Variants in ECM2 observed in about 807,000 individuals in gnomAD.
ECM2 encodes extracellular matrix protein 2, also known as extracellular matrix protein 2, female organ and adipocyte specific.
A neutral mutation model predicts 67.5 loss-of-function variants in ECM2; 57 were observed. The ratio of observed to expected loss-of-function variants is 0.84; its 90% CI spans 0.68 to 1.05. The LOEUF is 1.05. Among genes scored for constraint, ECM2 ranks in the 50% least tolerant of loss-of-function variants. ECM2 has a pLI of 0.00. For missense variants in ECM2, 741 were observed against 822.8 expected (o/e 0.90, Z 1.22); for synonymous variants, 258 against 294.5 (o/e 0.88, Z 1.27).
intron 9 of ECM2, among the ~76,000 whole-genome samples, chr9:92,500,117 CAT>C (rs1846581396): frequency 6.6e-6 from 1 of 152,254 alleles, no homozygotes; most frequent in Middle Eastern, 3.4e-3. Context: ...GGAGTAGTAA[CAT>C]AATCTATTGC....
the ECM2 span, among the ~76,000 whole-genome samples, chr9:92,551,957 T>TATA: frequency 8.6e-6 from 1 of 116,738 alleles, no homozygotes; most frequent in African/African-American, 4.6e-5. Context: ...ATATATGATA[T>TATA]ATATATGTGT....
intron 1 of ECM2, among the ~76,000 whole-genome samples, chr9:92,529,585 A>C (rs572387284): frequency 6.0e-4 from 92 of 152,220 alleles, no homozygotes; most frequent in Non-Finnish European, 1.2e-3. Flanking sequence ...AATGGAAAAA[A>C]AACTATGGTA....
At chr9:92,512,294 A>G (rs1847401415) in intron 4 of ECM2, among the ~76,000 whole-genome samples, 168 bp from the exon 5 acceptor site, 1 of 152,222 alleles carries the variant, frequency 6.6e-6, no homozygotes, top group Non-Finnish European at 1.5e-5. Context: ...TGTTCAGAAA[A>G]GTAACAAGCT....
In ECM2 at chr9:92,510,009, T is replaced by G; in HGVS notation, c.1196A>C (p.Asn399Thr). Residue 399 changes from asparagine (N) to threonine (T), a missense_variant, in exon 6 of 10, where the codon AAT becomes ACT. By Grantham distance (65) the Asn-to-Thr change is moderately conservative. Transcript: ENST00000344604. The part of the protein sequence containing the change: ...FKLLKKLMRL[N>T]MDGNNLIQIP... ...CTGTATCAAATTATTTCCATCCATATTCAAACGCATTAACTTCTTCAGAAG... is the reference window on the plus strand; with the variant it reads ...CTGTATCAAATTATTTCCATCCATAGTCAAACGCATTAACTTCTTCAGAAG... 1 of 1,603,700 alleles carries G rather than the reference T, an allele frequency of 6.2e-7. No individual in the cohort carries two copies. The highest frequency in any genetic ancestry group is 1.1e-5 in the South Asian group (1 of 89,172).
intron 1 of ECM2, among the ~76,000 whole-genome samples, chr9:92,530,305 A>G (rs1278390473): frequency 6.6e-6 from 1 of 152,208 alleles, no homozygotes; most frequent in African/African-American, 2.4e-5. Flanking sequence ...ATGATATGTC[A>G]GCATAGATTT....
intron 5 of ECM2, among the ~76,000 whole-genome samples, chr9:92,510,312 G>T (rs1275965815): frequency 6.6e-6 from 1 of 152,246 alleles, no homozygotes; most frequent in Admixed American, 6.5e-5. Context: ...AGAGAAAGCT[G>T]CCATAACTAC....
At chr9:92,533,095 G>A (rs994204230) in intron 1 of ECM2, among the ~76,000 whole-genome samples, 5 of 151,198 alleles carry the variant, frequency 3.3e-5, no homozygotes, top group Non-Finnish European at 7.4e-5. Flanking sequence ...TCAGGAGTTT[G>A]AGACCAGCCT....
At chr9:92,529,091 C>A (rs1848588423) in intron 1 of ECM2, among the ~76,000 whole-genome samples, 1 of 152,100 alleles carries the variant, frequency 6.6e-6, no homozygotes, top group Non-Finnish European at 1.5e-5. Context: ...AAATACATGA[C>A]AAGGGATGAA....
At chr9:92,512,889 C>G (rs1168782395) in intron 4 of ECM2, among the ~76,000 whole-genome samples, 3 of 152,068 alleles carry the variant, frequency 2.0e-5, no homozygotes, top group Non-Finnish European at 4.4e-5. Flanking sequence ...CAGAGCATAC[C>G]TGGTGTATAG....
upstream of ECM2, among the ~76,000 whole-genome samples, chr9:92,539,389 T>C (rs927585094): frequency 4.1e-5 from 5 of 121,082 alleles, no homozygotes; most frequent in Non-Finnish European, 6.4e-5. Flanking sequence ...AAGAAGTAGA[T>C]TGAAGCCAGT....
chr9:92,530,595 T>C (rs1848686017), intron 1 of ECM2, among the ~76,000 whole-genome samples: 1 of 152,230 alleles, frequency 6.6e-6, no homozygotes, highest in Non-Finnish European at 1.5e-5. Flanking sequence ...AATTTAGTCG[T>C]TATATCTTTC....
the ECM2 span, among the ~76,000 whole-genome samples, chr9:92,556,853 T>A: frequency 1.3e-5 from 2 of 152,222 alleles, no homozygotes; most frequent in African/African-American, 4.8e-5. Context: ...CTGCTCTTTG[T>A]TGCCTGTGTA....
downstream of ECM2, among the ~76,000 whole-genome samples, chr9:92,494,855 C>T (rs528320923): frequency 1.3e-5 from 2 of 152,090 alleles, no homozygotes; most frequent in African/African-American, 4.8e-5. Flanking sequence ...TGCAGTGAGC[C>T]GAGATTGCAC....
intron 1 of ECM2, among the ~76,000 whole-genome samples, chr9:92,531,590 G>A (rs1354943044): frequency 3.3e-5 from 5 of 151,804 alleles, no homozygotes; most frequent in Non-Finnish European, 5.9e-5. Flanking sequence ...TCAGCAATCC[G>A]TGGCCTCTAC....
chr9:92,546,394 C>T, the ECM2 span, among the ~76,000 whole-genome samples: 3 of 152,180 alleles, frequency 2.0e-5, no homozygotes, highest in Admixed American at 2.0e-4. Context: ...TGCTGCTGCT[C>T]ACTCTTTGGG....
At position 92,505,574 on chromosome 9, in the gene ECM2, T is replaced by G; in HGVS notation, c.1423A>C (p.Lys475Gln). The change falls in exon 7 of 10, where the codon AAA becomes CAA. Residue 475 changes from lysine to glutamine, a missense_variant. Coordinates refer to ENST00000344604, the MANE Select transcript of ECM2 (RefSeq NM_001393.4). Reference protein sequence around the residue: ...SLAYLRLGKNKFRIIPQGLPG... With the variant: ...SLAYLRLGKNQFRIIPQGLPG... ...AGACCCTGCGGTATAATTCTAAATT[T>G]ATTTTTTCCCAGACGCAAGTAGGCT... The G allele has an allele frequency of 6.2e-7, 1 of 1,607,694 alleles. No homozygotes were observed. Among genetic ancestry groups the G allele is most frequent in the Non-Finnish European group, 8.5e-7 (1 of 1,178,508 alleles).
chr9:92,533,317 AAAAAAAAAAAAATATATATATATAT>A (rs1848939629), intron 1 of ECM2, among the ~76,000 whole-genome samples: 1 of 104,802 alleles, frequency 9.5e-6, no homozygotes, highest in African/African-American at 3.8e-5. Flanking sequence ...AAAAAAAAAA[AAAAAAAAAAAAATATATATATATAT>A]ATATATATAT....
Position 92,522,867 on chromosome 9 carries a change from G to T in ECM2, c.-1C>A. 2.5e-6 allele frequency: 4 copies of T among 1,589,040 alleles called. No individual in the cohort carries two copies. The highest frequency in any genetic ancestry group is 3.4e-6 in the Non-Finnish European group (4 of 1,171,754). On this transcript the variant is annotated 5_prime_UTR_variant, in exon 2 of 10. Transcript: ENST00000344604. ...AACAAAACAAAACTGCAATCTTCAT[G>T]TTTGATTTTTTTCCACCAGCCAATT... is the stretch of plus-strand genomic sequence containing the variant.
At chr9:92,533,856 T>G (rs1849008257) in intron 1 of ECM2, among the ~76,000 whole-genome samples, 1 of 152,150 alleles carries the variant, frequency 6.6e-6, no homozygotes, top group Non-Finnish European at 1.5e-5. Context: ...GTGTTGCCGA[T>G]GAGAAATTTG....
Sources: allele counts gnomAD v4.1 joint callset (sites outside exome capture counted in the v4.1 genomes callset), GRCh38; gene constraint gnomAD v4.1.1; transcripts MANE v1.5; gene names NCBI Gene and HGNC (gene_info 2026-07-23, HGNC 2026-07-21).